Variants in ARHGAP24 observed in about 807,000 individuals in gnomAD.
ARHGAP24 encodes the protein Rho GTPase activating protein 24.
A neutral mutation model predicts 76.4 loss-of-function variants in ARHGAP24; 50 were observed. That is an observed-to-expected ratio of 0.65 (90% CI 0.52 to 0.83). ARHGAP24 has a LOEUF of 0.83. Among genes scored for constraint, ARHGAP24 ranks in the 40% least tolerant of loss-of-function variants. The pLI is 0.00. For synonymous variants in ARHGAP24, 345 were observed against 323.3 expected (o/e 1.07, Z -0.72); for missense variants, 930 against 914.2 (o/e 1.02, Z -0.22).
rs111410344 is a variant in ARHGAP24 at position 85,755,626 on chromosome 4, G to GTTTTTTTTTTTTTTTTTTTTTTTT, written c.268+33658_268+33659insTTTTTTTTTTTTTTTTTTTTTTTT. Among the ~76,000 whole-genome samples the GTTTTTTTTTTTTTTTTTTTTTTTT allele has an allele frequency of 1.0e-4, 12 of 117,372 alleles. 5 individuals are homozygous for GTTTTTTTTTTTTTTTTTTTTTTTT. Among genetic ancestry groups the GTTTTTTTTTTTTTTTTTTTTTTTT allele is most frequent in the Non-Finnish European group, 1.1e-4 (6 of 56,168 alleles). The allele number at this position is 117,372 out of a possible 152,430, so 77.0% of individuals were successfully genotyped here. A position where few individuals can be genotyped will look rare whatever the true frequency, so the allele number is the denominator to read the frequency against. ...TTCTATGGGAAGCTTCTATTCTTTT[G>GTTTTTTTTTTTTTTTTTTTTTTTT]TTTTGTTTTGTTTTGTTTTGTTTTG... On this transcript the variant is annotated intron_variant, in intron 3 of 9. Coordinates refer to ENST00000395184, the MANE Select transcript of ARHGAP24 (RefSeq NM_001025616.3).
intron 1 of ARHGAP24, among the ~76,000 whole-genome samples, chr4:85,529,174 A>G (rs969622233): frequency 6.6e-6 from 1 of 152,018 alleles, no homozygotes; most frequent in Non-Finnish European, 1.5e-5. Flanking sequence ...CAAGGATTCT[A>G]TTGAACTTGA....
At chr4:85,720,376 G>A (rs1476467300) in intron 2 of ARHGAP24, among the ~76,000 whole-genome samples, 1 of 152,200 alleles carries the variant, frequency 6.6e-6, no homozygotes, top group Non-Finnish European at 1.5e-5. Flanking sequence ...GAGAGTGGTA[G>A]TAGTAGAGAT....
At chr4:85,914,664 A>T (rs2148803027) in intron 3 of ARHGAP24, among the ~76,000 whole-genome samples, 1 of 152,308 alleles carries the variant, frequency 6.6e-6, no homozygotes, top group South Asian at 2.1e-4. Flanking sequence ...GACCATTAGG[A>T]ATGCCTATAC....
chr4:85,863,420 CT>C (rs1476872506), intron 3 of ARHGAP24, among the ~76,000 whole-genome samples: 1 of 152,050 alleles, frequency 6.6e-6, no homozygotes, highest in African/African-American at 2.4e-5. Context: ...ATATTATAAT[CT>C]TTTTAAAAAA....
chr4:85,722,755 T>C (rs343862), intron 3 of ARHGAP24, among the ~76,000 whole-genome samples: 145,966 of 152,184 alleles, frequency 0.96, 70,309 homozygotes, highest in East Asian at 1. Context: ...CTGGCTCCGG[T>C]TGACCGTTTG....
At chr4:85,837,997 C>T (rs951319658) in intron 3 of ARHGAP24, among the ~76,000 whole-genome samples, 2 of 152,178 alleles carry the variant, frequency 1.3e-5, no homozygotes, top group Non-Finnish European at 2.9e-5. Flanking sequence ...CTGTCTTGAT[C>T]GTCCTTTCTG....
intron 3 of ARHGAP24, among the ~76,000 whole-genome samples, chr4:85,836,523 C>T (rs1055978027): frequency 1.3e-5 from 2 of 152,188 alleles, no homozygotes; most frequent in African/African-American, 2.4e-5. Context: ...GCATATCTAT[C>T]ACTGTGTCCC....
intron 2 of ARHGAP24, among the ~76,000 whole-genome samples, chr4:85,629,063 ATG>A (rs1560560522): frequency 2.6e-5 from 4 of 151,902 alleles, no homozygotes; most frequent in Admixed American, 6.6e-5. Context: ...TTCCTTTGTG[ATG>A]TGATGATTCT....
chr4:85,604,087 CA>C, intron 2 of ARHGAP24: 1 of 152,304 alleles, frequency 6.6e-6, no homozygotes. Context: ...CCCTAGACTG[CA>C]AAAACTGATG....
chr4:85,935,571 T>C (rs1427449530), intron 4 of ARHGAP24, among the ~76,000 whole-genome samples: 6 of 152,152 alleles, frequency 3.9e-5, no homozygotes, highest in Non-Finnish European at 5.9e-5. Context: ...TAGTGAAAAA[T>C]GAAAGACTTT....
chr4:85,927,012 T>C (rs1347198058), intron 4 of ARHGAP24, among the ~76,000 whole-genome samples: 1 of 152,148 alleles, frequency 6.6e-6, no homozygotes, highest in Non-Finnish European at 1.5e-5. Context: ...AGAATTAATA[T>C]AGTTTTATGA....
At chr4:85,781,236 A>G (rs1727541504) in intron 3 of ARHGAP24, among the ~76,000 whole-genome samples, 2 of 152,250 alleles carry the variant, frequency 1.3e-5, no homozygotes, top group Non-Finnish European at 1.5e-5. Flanking sequence ...GAAAAACACT[A>G]CAAAGCAATT....
intron 1 of ARHGAP24, among the ~76,000 whole-genome samples, chr4:85,487,299 A>G (rs570357115): frequency 8.2e-6 from 1 of 121,990 alleles, no homozygotes; most frequent in African/African-American, 3.2e-5. Context: ...GTAAATATAT[A>G]TATTTATTAT....
intron 1 of ARHGAP24, among the ~76,000 whole-genome samples, chr4:85,477,911 C>G (rs962416805): frequency 3.9e-5 from 6 of 152,162 alleles, no homozygotes; most frequent in Non-Finnish European, 8.8e-5. Context: ...AGTTATTTTC[C>G]TGTGAATTTT....
chr4:85,972,002 T>A lies in ARHGAP24; in HGVS notation c.600-34T>A, dbSNP rs777870483. ...ATAAATAGAATGGTATGAAGTTTACTCCAAAGAATATCTTCACACTTCTGT... is the reference window on the plus strand; with the variant it reads ...ATAAATAGAATGGTATGAAGTTTACACCAAAGAATATCTTCACACTTCTGT... On this transcript the variant is annotated intron_variant, in intron 5 of 9. Transcript: ENST00000395184. 9 of 1,613,742 alleles carry A rather than the reference T, an allele frequency of 5.6e-6. No homozygotes were observed. The South Asian group carries it at 9.9e-5, about 18-fold the overall frequency.
chr4:85,693,483 C>A (rs972452628), intron 2 of ARHGAP24, among the ~76,000 whole-genome samples: 1 of 152,206 alleles, frequency 6.6e-6, no homozygotes, highest in South Asian at 2.1e-4. Flanking sequence ...CTCAGCCACA[C>A]ATCTCAGCTT....
chr4:85,792,142 CT>C (rs199782257), intron 3 of ARHGAP24, among the ~76,000 whole-genome samples: 2 of 139,804 alleles, frequency 1.4e-5, no homozygotes, highest in Non-Finnish European at 1.6e-5. Context: ...AACAATCAGG[CT>C]TTTTTTTAAA....
At chr4:85,716,070 T>G (rs540454454) in intron 2 of ARHGAP24, among the ~76,000 whole-genome samples, 1 of 152,196 alleles carries the variant, frequency 6.6e-6, no homozygotes, top group Admixed American at 6.6e-5. Flanking sequence ...GTGATGCTCA[T>G]AGTCATTGTT....
At chr4:85,524,377 T>C (rs968843291) in intron 1 of ARHGAP24, among the ~76,000 whole-genome samples, 1 of 152,158 alleles carries the variant, frequency 6.6e-6, no homozygotes, top group African/African-American at 2.4e-5. Context: ...CAAGTACACA[T>C]TATGTAAAAT....
Sources: allele counts gnomAD v4.1 joint callset (sites outside exome capture counted in the v4.1 genomes callset), GRCh38; gene constraint gnomAD v4.1.1; transcripts MANE v1.5; gene names NCBI Gene and HGNC (gene_info 2026-07-23, HGNC 2026-07-21).